The following CAPN9 variants were observed in gnomAD, a reference collection of about 807,000 sequenced individuals.
CAPN9 encodes calpain 9, also known as calpain-9.
In CAPN9, 81 loss-of-function variants were observed where a neutral mutation model predicts 92.8. That is an observed-to-expected ratio of 0.87 (90% CI 0.73 to 1.05). The LOEUF is 1.05. Among genes scored for constraint, CAPN9 ranks in the 50% least tolerant of loss-of-function variants. The pLI is 0.00. For missense variants in CAPN9, 848 were observed against 866.2 expected, an observed-to-expected ratio of 0.98 and a Z score of 0.26; for synonymous variants, 304 against 328.0, an observed-to-expected ratio of 0.93 and a Z score of 0.79.
intron 12 of CAPN9, among the ~76,000 whole-genome samples, chr1:230,786,679 G>C (rs889530523): frequency 6.6e-6 from 1 of 152,180 alleles, no homozygotes; most frequent in African/African-American, 2.4e-5. Context: ...CTTAACATTA[G>C]TGACTTCATT....
rs57738295 is a variant in CAPN9, at chr1:230,789,473, CAAAAAAAAAAA to C, written c.1600-642_1600-632del. Among the ~76,000 whole-genome samples the C allele has an allele frequency of 1.3e-3, 83 of 66,286 alleles. 3 individuals are homozygous for C. Among genetic ancestry groups the C allele is most frequent in the East Asian group, 0.012 (20 of 1,606 alleles). 43.5% of individuals were successfully genotyped at this position (66,286 alleles called of 152,430 possible). A position where few individuals can be genotyped will look rare whatever the true frequency, so the allele number is the denominator to read the frequency against. ...TGGATGACAGAGCAAGACCCTGTATCAAAAAAAAAAAAAAAAAAAAAAAAAAAGCCTGAGTC... is the reference window on the plus strand; with the variant it reads ...TGGATGACAGAGCAAGACCCTGTATCAAAAAAAAAAAAAAAAGCCTGAGTC... On this transcript the variant is annotated intron_variant, in intron 13 of 19. Coordinates refer to ENST00000271971, the MANE Select transcript of CAPN9 (RefSeq NM_006615.3).
chr1:230,772,316 A>C (rs1666435707), intron 7 of CAPN9, among the ~76,000 whole-genome samples: 1 of 151,898 alleles, frequency 6.6e-6, no homozygotes, highest in Non-Finnish European at 1.5e-5. Context: ...TTACAACAGC[A>C]CTCTAACTTT....
At chr1:230,755,275 A>C in intron 1 of CAPN9, 62 bp from the exon 2 acceptor site, 2 of 1,315,154 alleles carry the variant, frequency 1.5e-6, no homozygotes, top group South Asian at 2.4e-5. Flanking sequence ...CCCTGAGCCT[A>C]CCCTTTCATA....
intron 11 of CAPN9, among the ~76,000 whole-genome samples, chr1:230,784,848 C>T (rs778114529): frequency 1.5e-4 from 23 of 152,348 alleles, no homozygotes; most frequent in Non-Finnish European, 3.2e-4. Context: ...CATCATCCTC[C>T]AGACCCAAGA....
In CAPN9 at chr1:230,801,747, G is replaced by T; in HGVS notation, c.*151G>T. On this transcript the variant is annotated 3_prime_UTR_variant, in exon 20 of 20. Coordinates refer to ENST00000271971, the MANE Select transcript of CAPN9 (RefSeq NM_006615.3). ...CCCTTCATCTTGATCTGGGAAGAAT[G>T]AAATGAACTCAGCTACACTCTCTGA... 4.0e-6 allele frequency: 3 copies of T among 754,780 alleles called. No individual in the cohort carries two copies. In the South Asian group the frequency reaches 4.6e-5, roughly 12 times the overall value. 46.8% of individuals were successfully genotyped at this position (754,780 alleles called of 1,614,324 possible). A position where few individuals can be genotyped will look rare whatever the true frequency, so the allele number is the denominator to read the frequency against.
In CAPN9 at chr1:230,787,549, G is replaced by C; in HGVS notation, c.1546G>C (p.Glu516Gln). ...EPPKPTPPDQ[E>Q]TEEEQRFRAL... ...TCCAAAGCCAACTCCACCTGACCAG[G>C]AGACAGAGGAGGAGCAGCGGTTTCG... Residue 516 changes from glutamate (E) to glutamine (Q), a missense_variant, in exon 13 of 20, where the codon GAG (glutamate) becomes CAG (glutamine). Transcript: ENST00000271971. The C allele has an allele frequency of 6.2e-7, 1 of 1,614,090 alleles. No homozygotes were observed. Among genetic ancestry groups the C allele is most frequent in the Non-Finnish European group, 8.5e-7 (1 of 1,179,972 alleles).
Position 230,801,612 on chromosome 1 carries a change from A to G in CAPN9, c.*16A>G. 6.2e-7 allele frequency: 1 copy of G among 1,612,716 alleles called. No individual in the cohort carries two copies. Among genetic ancestry groups the G allele is most frequent in the Non-Finnish European group, 8.5e-7 (1 of 1,178,740 alleles). On this transcript the variant is annotated 3_prime_UTR_variant, in exon 20 of 20. Transcript: ENST00000271971. ...GAACATCTGAGGCTGCCTTGTAGAG[A>G]TGCAGCCTGCCCAGCTGAATCTTGG...
Position 230,759,496 on chromosome 1 carries a change from G to A in CAPN9, c.284-16G>A, listed in dbSNP as rs1457187210. The A allele has an allele frequency of 6.4e-7, 1 of 1,559,864 alleles. No homozygotes were observed. Among genetic ancestry groups the A allele is most frequent in the South Asian group, 1.2e-5 (1 of 84,696 alleles). On this transcript the variant is annotated splice_polypyrimidine_tract_variant and intron_variant, in intron 2 of 19. Transcript: ENST00000271971. ...AATAGCAATGAAAATTGTGATTTAT[G>A]GCTTCCATTTTGCAGGAGACTGCTG...
At chr1:230,748,386 G>A (rs770037412) in intron 1 of CAPN9, among the ~76,000 whole-genome samples, 3 of 152,134 alleles carry the variant, frequency 2.0e-5, no homozygotes, top group Non-Finnish European at 4.4e-5. Context: ...CTGACCCGGC[G>A]CCAGCTGGGC....
At chr1:230,770,936 C>T (rs1666350933) in intron 6 of CAPN9, among the ~76,000 whole-genome samples, 1 of 152,214 alleles carries the variant, frequency 6.6e-6, no homozygotes, top group Non-Finnish European at 1.5e-5. Flanking sequence ...CGCCGTTGGA[C>T]TCTTTGGGAT....
chr1:230,781,807 G>A (rs1667242391), intron 11 of CAPN9, among the ~76,000 whole-genome samples: 2 of 152,220 alleles, frequency 1.3e-5, no homozygotes, highest in African/African-American at 4.8e-5. Flanking sequence ...TAGTGAGAGA[G>A]AATTAGATTG....
At chr1:230,785,881 A>G in intron 11 of CAPN9, 100 bp from the exon 12 acceptor site, 1 of 1,171,860 alleles carries the variant, frequency 8.5e-7, no homozygotes, top group Non-Finnish European at 1.3e-6. Flanking sequence ...TAAGGGATTC[A>G]AAGGGACAGA....
chr1:230,772,592 T>C (rs1666459875), intron 7 of CAPN9, among the ~76,000 whole-genome samples: 1 of 152,060 alleles, frequency 6.6e-6, no homozygotes, highest in Non-Finnish European at 1.5e-5. Context: ...GAAATAGAAG[T>C]GAGGCTGAGC....
At position 230,767,604 on chromosome 1, in the gene CAPN9, T is replaced by C. The variant is rs3828126; in HGVS notation, c.600T>C (p.Thr200=). The C allele has an allele frequency of 0.31, 497,320 of 1,613,030 alleles. 80,320 individuals are homozygous for C. The highest frequency in any genetic ancestry group is 0.34 in the Non-Finnish European group (400,157 of 1,179,374). The change falls in exon 5 of 20, where the codon ACT becomes ACC. Residue 200 remains threonine (T), a synonymous_variant. Transcript: ENST00000271971. ...CCATCGAGGCCATGGAAGACTTCACTGGGGGTGTGGCAGAGACCTTCCAAA... is the reference window on the plus strand; with the variant it reads ...CCATCGAGGCCATGGAAGACTTCACCGGGGGTGTGGCAGAGACCTTCCAAA... ...GSAIEAMEDF[T]GGVAETFQTK...
chr1:230,792,589 C>T (rs1325316191), intron 16 of CAPN9, 95 bp downstream of exon 16: 1 of 1,001,304 alleles, frequency 1.0e-6, no homozygotes, highest in Non-Finnish European at 1.6e-6. Flanking sequence ...AGGCTATAGG[C>T]TAGAGGAATT....
At chr1:230,754,010 C>T (rs1173988877) in intron 1 of CAPN9, among the ~76,000 whole-genome samples, 1 of 152,130 alleles carries the variant, frequency 6.6e-6, no homozygotes, top group Non-Finnish European at 1.5e-5. Context: ...TCCTCAAATG[C>T]AATTTGCAAA....
intron 17 of CAPN9, among the ~76,000 whole-genome samples, chr1:230,793,883 C>T (rs888360383): frequency 1.3e-5 from 2 of 152,178 alleles, no homozygotes; most frequent in Non-Finnish European, 2.9e-5. Flanking sequence ...ACAAAGGGAG[C>T]ACTCAGAGAG....
At chr1:230,775,672 C>CT (rs1392720130) in intron 8 of CAPN9, among the ~76,000 whole-genome samples, 2 of 152,180 alleles carry the variant, frequency 1.3e-5, no homozygotes, top group Non-Finnish European at 2.9e-5. Flanking sequence ...AATCCCAGCA[C>CT]TTTGGGAGGC....
At position 230,778,973 on chromosome 1, in the gene CAPN9, G is replaced by T. The variant is rs767130719; in HGVS notation, c.954G>T (p.Trp318Cys). 1.2e-6 allele frequency: 2 copies of T among 1,613,288 alleles called. No homozygotes were observed. The highest frequency in any genetic ancestry group is 2.2e-5 in the South Asian group (2 of 90,860). ...CHTALDDGEF[W>C]MAFKDFKAHF... The stretch of plus-strand genomic sequence containing the variant: ...ATCGTGTCTCTCCGCTTTGCTGCAG[G>T]ATGGCATTTAAGGACTTCAAGGCCC... Residue 318 changes from tryptophan to cysteine, a missense_variant and splice_region_variant, in exon 9 of 20, where the codon TGG becomes TGT. Transcript: ENST00000271971.
Sources: gnomAD v4.1 joint callset for allele counts (sites outside exome capture counted in the v4.1 genomes callset) on GRCh38, gnomAD v4.1.1 for gene constraint, MANE v1.5 for transcripts, NCBI Gene and HGNC (gene_info 2026-07-23, HGNC 2026-07-21) for gene names.